CUX2: variants seen among roughly 807,000 people sequenced by gnomAD.
The protein encoded by CUX2 is cut like homeobox 2.
CUX2 carries 40 observed loss-of-function variants against 144.8 expected under a neutral mutation model. The ratio of observed to expected loss-of-function variants is 0.28; its 90% CI spans 0.21 to 0.36. The LOEUF is 0.36. Ranked by LOEUF, CUX2 falls within the 10% of genes least tolerant of loss-of-function variation. CUX2 has a pLI of 1.00. For missense variants in CUX2, 1,615 were observed against 1,994.0 expected (o/e 0.81, Z 3.62); for synonymous variants, 827 against 875.6 (o/e 0.94, Z 0.98).
intron 1 of CUX2, among the ~76,000 whole-genome samples, chr12:111,079,254 AT>A (rs1417011451): frequency 1.3e-5 from 2 of 152,120 alleles, no homozygotes; most frequent in African/African-American, 4.8e-5. Context: ...CTGGAAAGGG[AT>A]TCTTGGGGTG....
Position 111,251,061 on chromosome 12 carries a change from T to G in CUX2, c.223-12700T>G, listed in dbSNP as rs77764712. Among the ~76,000 whole-genome samples, 166 of 152,280 alleles carry G rather than the reference T, an allele frequency of 1.1e-3. 2 individuals are homozygous for G. The highest frequency in any genetic ancestry group is 3.9e-3 in the African/African-American group (161 of 41,550). Reference sequence around the variant, plus strand: ...TATTTGCAAGGCGCTAAAGAAAGCCTCCTGTCCCTTTTATGCCAGGAGCCC... The same window carrying G: ...TATTTGCAAGGCGCTAAAGAAAGCCGCCTGTCCCTTTTATGCCAGGAGCCC... On this transcript the variant is annotated intron_variant, in intron 3 of 21. Coordinates refer to ENST00000261726, the MANE Select transcript of CUX2 (RefSeq NM_015267.4).
At chr12:111,224,161 G>A (rs1239913076) in intron 3 of CUX2, among the ~76,000 whole-genome samples, 1 of 152,124 alleles carries the variant, frequency 6.6e-6, no homozygotes, top group Non-Finnish European at 1.5e-5. Flanking sequence ...ATGACCGAGA[G>A]GACAGACCAT....
chr12:111,159,754 G>T (rs1297230135), intron 1 of CUX2, among the ~76,000 whole-genome samples: 1 of 152,248 alleles, frequency 6.6e-6, no homozygotes, highest in African/African-American at 2.4e-5. Context: ...GCCAGGCGCA[G>T]TGGGTCACGC....
intron 21 of CUX2, among the ~76,000 whole-genome samples, chr12:111,342,938 A>C (rs922948080): frequency 2.8e-5 from 4 of 140,852 alleles, no homozygotes; most frequent in African/African-American, 1.1e-4. Flanking sequence ...CAGCCTGGGC[A>C]ACAGAGTGAG....
intron 1 of CUX2, among the ~76,000 whole-genome samples, chr12:111,102,442 AGAG>A (rs1410981754): frequency 6.6e-6 from 1 of 152,142 alleles, no homozygotes; most frequent in Non-Finnish European, 1.5e-5. Context: ...CAGACAACTG[AGAG>A]GAGAGTGGCA....
intron 3 of CUX2, among the ~76,000 whole-genome samples, chr12:111,238,201 G>A (rs559699452): frequency 2.6e-5 from 4 of 152,198 alleles, no homozygotes; most frequent in Non-Finnish European, 5.9e-5. Context: ...AGCACAGTCT[G>A]TAATTATATG....
chr12:111,187,770 C>T (rs1357496885), intron 1 of CUX2, among the ~76,000 whole-genome samples: 1 of 152,212 alleles, frequency 6.6e-6, no homozygotes, highest in East Asian at 1.9e-4. Context: ...TGGACTGGCC[C>T]ACTGGCCTGC....
intron 3 of CUX2, among the ~76,000 whole-genome samples, chr12:111,219,323 C>T (rs1288974311): frequency 6.6e-6 from 1 of 151,392 alleles, no homozygotes; most frequent in African/African-American, 2.4e-5. Context: ...AAGAAAAAAA[C>T]TAGACAGACC....
intron 1 of CUX2, among the ~76,000 whole-genome samples, chr12:111,085,850 C>T (rs915026817): frequency 6.6e-6 from 1 of 152,236 alleles, no homozygotes; most frequent in Non-Finnish European, 1.5e-5. Context: ...GCCATCTCCC[C>T]ACCTTCCAGC....
chr12:111,236,626 A>T (rs2136251596), intron 3 of CUX2, among the ~76,000 whole-genome samples: 1 of 152,336 alleles, frequency 6.6e-6, no homozygotes, highest in South Asian at 2.1e-4. Flanking sequence ...CTTCAGGACC[A>T]CAGGCTGAGG....
chr12:111,315,993 C>T (rs1181975017), intron 16 of CUX2, among the ~76,000 whole-genome samples: 2 of 152,162 alleles, frequency 1.3e-5, no homozygotes, highest in Non-Finnish European at 2.9e-5. Context: ...GAGAATATTT[C>T]ACGTGGTTGC....
chr12:111,043,803 G>C (rs899194050), intron 1 of CUX2, among the ~76,000 whole-genome samples: 3 of 152,236 alleles, frequency 2.0e-5, no homozygotes, highest in African/African-American at 7.2e-5. Context: ...GAAGAAAGAA[G>C]TAGAGCTAGG....
chr12:111,110,135 A>C (rs1456755003), intron 1 of CUX2, among the ~76,000 whole-genome samples: 2 of 151,362 alleles, frequency 1.3e-5, no homozygotes, highest in African/African-American at 2.4e-5. Flanking sequence ...CTCCCACCTC[A>C]GCCTCCTGAA....
chr12:111,113,542 T>C (rs186723249), intron 1 of CUX2, among the ~76,000 whole-genome samples: 6 of 152,202 alleles, frequency 3.9e-5, no homozygotes, highest in Non-Finnish European at 2.9e-5. Context: ...TCTAACTTCT[T>C]TAATTAATTA....
chr12:111,090,963 C>CGA (rs1315345411), intron 1 of CUX2, among the ~76,000 whole-genome samples: 2 of 152,062 alleles, frequency 1.3e-5, no homozygotes, highest in African/African-American at 4.8e-5. Context: ...TACTGTGTGC[C>CGA]GAGGCTCCCT....
Position 111,178,334 on chromosome 12 carries a change from A to C in CUX2, c.64-35866A>C, listed in dbSNP as rs1878975435. Among the ~76,000 whole-genome samples, 1 of 152,234 alleles carries C rather than the reference A, an allele frequency of 6.6e-6. No individual in the cohort carries two copies. Among genetic ancestry groups the C allele is most frequent in the Non-Finnish European group, 1.5e-5 (1 of 68,044 alleles). On this transcript the variant is annotated intron_variant, in intron 1 of 21. Transcript: ENST00000261726. This position sits in a 1 kb window ranked among gnomAD's most constrained non-coding sequence, Gnocchi z 5.7. ...ATATACTGTGGCCTCTCTGTATGAG[A>C]GACCCTAGTACATATCTGTATTTTG...
Position 111,034,261 on chromosome 12 carries a change from C to CT in CUX2, c.63+21_63+22insT, listed in dbSNP as rs771503321. On this transcript the variant is annotated intron_variant, in intron 1 of 21. Transcript: ENST00000261726. The surrounding 1 kb of genome is among the most constrained non-coding windows in gnomAD (Gnocchi z 4.2). The stretch of plus-strand genomic sequence containing the variant: ...TCCAGGTTAGTGCGGGCAGCGCCGG[C>CT]CGCGCGGCCGTGAGGAGCCCCCGGG... The CT allele has an allele frequency of 7.5e-7, 1 of 1,328,820 alleles. No individual in the cohort carries two copies. The highest frequency in any genetic ancestry group is 9.9e-7 in the Non-Finnish European group (1 of 1,007,022). The allele number at this position is 1,328,820 out of a possible 1,614,324, so 82.3% of individuals were successfully genotyped here. A position where few individuals can be genotyped will look rare whatever the true frequency, so the allele number is the denominator to read the frequency against.
intron 1 of CUX2, among the ~76,000 whole-genome samples, chr12:111,058,996 C>A (rs550834911): frequency 1.2e-4 from 18 of 152,296 alleles, no homozygotes; most frequent in Non-Finnish European, 2.1e-4. Flanking sequence ...AATTAGGAAT[C>A]CCTTTGTTCT....
intron 16 of CUX2, among the ~76,000 whole-genome samples, chr12:111,315,098 A>G (rs554512234): frequency 6.6e-6 from 1 of 152,116 alleles, no homozygotes; most frequent in Non-Finnish European, 1.5e-5. Context: ...AGGGTCTAGG[A>G]GTTCAGCAAG....
Sources: allele counts gnomAD v4.1 joint callset (sites outside exome capture counted in the v4.1 genomes callset), GRCh38; gene constraint gnomAD v4.1.1; non-coding constraint Gnocchi (gnomAD v3.1); transcripts MANE v1.5; gene names NCBI Gene and HGNC (gene_info 2026-07-23, HGNC 2026-07-21).